Variants in VPS13A observed in about 807,000 individuals in gnomAD.
VPS13A encodes the protein intermembrane lipid transfer protein VPS13A.
In VPS13A, 264 loss-of-function variants were observed where a neutral mutation model predicts 390.9. The observed-to-expected ratio is 0.68, with a 90% confidence interval of 0.61 to 0.75. The LOEUF is 0.75. VPS13A is among the 30% of genes least tolerant of loss of function. The pLI is 0.00. For missense variants in VPS13A, 3,409 were observed against 3,733.9 expected (o/e 0.91, Z 2.27); for synonymous variants, 1,231 against 1,227.1 (o/e 1.00, Z -0.07).
At chr9:77,328,861 T>C (rs1174228698) in intron 45 of VPS13A, among the ~76,000 whole-genome samples, 1 of 152,180 alleles carries the variant, frequency 6.6e-6, no homozygotes, top group Non-Finnish European at 1.5e-5. Flanking sequence ...GACTTAGTAA[T>C]TTATAAAGGA....
intron 13 of VPS13A, among the ~76,000 whole-genome samples, chr9:77,225,189 C>T (rs754667475): frequency 3.3e-5 from 5 of 152,112 alleles, no homozygotes; most frequent in Non-Finnish European, 5.9e-5. Flanking sequence ...ACTGAATCTG[C>T]AGTATCTCTG....
At chr9:77,194,294 A>G (rs1824857960) in intron 1 of VPS13A, among the ~76,000 whole-genome samples, 1 of 151,758 alleles carries the variant, frequency 6.6e-6, no homozygotes, top group African/African-American at 2.4e-5. Context: ...GCGGTTGGGC[A>G]TCAGCGTCCA....
At position 77,356,719 on chromosome 9, in the gene VPS13A, A is replaced by G. The variant is rs758912053; in HGVS notation, c.7658A>G (p.Asp2553Gly). ...TTTTTGCTTTCTTAAATAAGTTCTG[A>G]TGTGGTTTGGGAAACAAAGCCCAAG... ...EVAYIGITSS[D>G]VVWETKPKKK... Residue 2553 changes from aspartate to glycine, a missense_variant, in exon 55 of 72, where the codon GAT becomes GGT. By Grantham distance (94) the Asp-to-Gly change is moderately conservative (BLOSUM62 -1). Transcript: ENST00000360280. 6.2e-7 allele frequency: 1 copy of G among 1,610,800 alleles called. No homozygotes were observed. Among genetic ancestry groups the G allele is most frequent in the Admixed American group, 1.7e-5 (1 of 59,792 alleles).
chr9:77,292,244 C>T (rs753748006), intron 31 of VPS13A, among the ~76,000 whole-genome samples: 2 of 152,178 alleles, frequency 1.3e-5, no homozygotes, highest in East Asian at 1.9e-4. Context: ...CTGCATCTCA[C>T]ATTAGTCCAC....
chr9:77,407,907 TTTTG>T (rs1223917074), intron 71 of VPS13A, among the ~76,000 whole-genome samples: 1 of 151,540 alleles, frequency 6.6e-6, no homozygotes, highest in Non-Finnish European at 1.5e-5. Flanking sequence ...AAATTAATTA[TTTTG>T]TTTTAGTGTT....
In VPS13A at chr9:77,227,433, A is replaced by AT; in HGVS notation, c.1401dup (p.Glu468Ter). The stretch of plus-strand genomic sequence containing the variant: ...ACACCTGAAGAAAAAGCTTTACTCT[A>AT]TGAAGCAATTGGCTATAGTGAAACA... On this transcript the variant is annotated frameshift_variant, in exon 16 of 72. Coordinates refer to ENST00000360280, the MANE Select transcript of VPS13A (RefSeq NM_033305.3). LOFTEE classifies it high-confidence loss of function. 6.2e-7 allele frequency: 1 copy of AT among 1,613,706 alleles called. No homozygotes were observed.
At chr9:77,303,701 CTA>C (rs1828522230) in intron 34 of VPS13A, among the ~76,000 whole-genome samples, 1 of 152,106 alleles carries the variant, frequency 6.6e-6, no homozygotes, top group South Asian at 2.1e-4. Flanking sequence ...GCAAAAGAAT[CTA>C]TGTCATAATT....
Position 77,332,028 on chromosome 9 carries a change from G to A in VPS13A, c.6010G>A (p.Val2004Ile), listed in dbSNP as rs1186743261. 1.2e-6 allele frequency: 2 copies of A among 1,610,146 alleles called. No homozygotes were observed. Among genetic ancestry groups the A allele is most frequent in the South Asian group, 2.2e-5 (2 of 90,816 alleles). ...TTCCCAGATAAGAAATCATTTTTCA[G>A]TCCCACTGTCTGTTTACGAAGGGGA... ...SPVQIRNHFS[V>I]PLSVYEGDTL... Residue 2004 changes from valine (V) to isoleucine (I), a missense_variant, in exon 46 of 72, where the codon GTC becomes ATC. By Grantham distance (29) the Val-to-Ile change is conservative (BLOSUM62 3). This residue lies in a region of VPS13A where 2,717 missense variants were observed against 2,917.4 expected (regional missense o/e 0.93). Transcript: ENST00000360280.
intron 26 of VPS13A, among the ~76,000 whole-genome samples, chr9:77,277,317 G>A (rs541416229): frequency 6.6e-6 from 1 of 152,180 alleles, no homozygotes; most frequent in East Asian, 1.9e-4. Context: ...TGAGCAGAAG[G>A]TACAGAGATT....
chr9:77,327,376 A>G (rs1415574576), intron 45 of VPS13A, among the ~76,000 whole-genome samples: 1 of 152,144 alleles, frequency 6.6e-6, no homozygotes, highest in African/African-American at 2.4e-5. Flanking sequence ...TGAATTTTGA[A>G]TTTCTTACAG....
At chr9:77,280,301 T>C in intron 27 of VPS13A, 63 bp downstream of exon 27, 2 of 1,358,488 alleles carry the variant, frequency 1.5e-6, no homozygotes, top group East Asian at 4.6e-5. Flanking sequence ...TTAAGTTTTG[T>C]AAGTTTGGTA....
intron 19 of VPS13A, among the ~76,000 whole-genome samples, chr9:77,245,223 A>G (rs570771702): frequency 4.6e-5 from 7 of 152,340 alleles, no homozygotes; most frequent in Admixed American, 3.9e-4. Context: ...CCTGGTATCA[A>G]GAAAGGCTTT....
At chr9:77,243,281 T>A (rs1052811953) in intron 19 of VPS13A, among the ~76,000 whole-genome samples, 1 of 152,224 alleles carries the variant, frequency 6.6e-6, no homozygotes, top group African/African-American at 2.4e-5. Context: ...TTTACTTACT[T>A]GTTGAACATC....
In VPS13A at chr9:77,416,141, A is replaced by G; in HGVS notation, c.*135A>G. 9.6e-7 allele frequency: 1 copy of G among 1,038,550 alleles called. No homozygotes were observed. The highest frequency in any genetic ancestry group is 1.4e-6 in the Non-Finnish European group (1 of 696,722). 64.3% of individuals were successfully genotyped at this position (1,038,550 alleles called of 1,614,324 possible). On this transcript the variant is annotated 3_prime_UTR_variant, in exon 72 of 72. Coordinates refer to ENST00000360280, the MANE Select transcript of VPS13A (RefSeq NM_033305.3). ...TTCTGGATGCTAAAAAACAAAAACA[A>G]ACAAAAAAACAAAAACAAAAAAACA...
intron 67 of VPS13A, among the ~76,000 whole-genome samples, chr9:77,373,290 A>G (rs901025857): frequency 1.3e-4 from 20 of 148,846 alleles, no homozygotes; most frequent in Non-Finnish European, 2.2e-4. Context: ...AAACAGAGAT[A>G]TACATCAATG....
intron 56 of VPS13A, among the ~76,000 whole-genome samples, chr9:77,358,057 G>A (rs978121133): frequency 1.3e-4 from 19 of 144,950 alleles, no homozygotes; most frequent in African/African-American, 4.8e-4. Context: ...CCAGGTTCAA[G>A]CGATTCTGCT....
At chr9:77,337,838 C>A in intron 47 of VPS13A, 1 of 244,122 alleles carries the variant, frequency 4.1e-6, no homozygotes, top group African/African-American at 2.2e-5. Context: ...TGTGTGGTTT[C>A]TTCCTGTTGT....
In VPS13A at chr9:77,407,685, A is replaced by G. The variant is rs78052149; in HGVS notation, c.9474+78A>G. On this transcript the variant is annotated intron_variant, in intron 71 of 71. Transcript: ENST00000360280. ...GTAAGTGGACTATTTTTTAATGCAG[A>G]TAAGTTTTGTTTGGGGGTTTTTGTT... The G allele has an allele frequency of 2.7e-3, 3,085 of 1,162,586 alleles. 72 individuals carry two copies. In the African/African-American group the frequency reaches 0.042, roughly 16 times the overall value. The allele number at this position is 1,162,586 out of a possible 1,614,324, so 72.0% of individuals were successfully genotyped here.
intron 31 of VPS13A, among the ~76,000 whole-genome samples, chr9:77,291,486 C>T (rs1032413623): frequency 6.6e-6 from 1 of 152,090 alleles, no homozygotes; most frequent in African/African-American, 2.4e-5. Context: ...GGGGGTTGAG[C>T]TTAGGTTGGT....
Sources: allele counts gnomAD v4.1 joint callset (sites outside exome capture counted in the v4.1 genomes callset), GRCh38; gene constraint gnomAD v4.1.1; regional missense constraint gnomAD v4.1.1; transcripts MANE v1.5; gene names NCBI Gene and HGNC (gene_info 2026-07-23, HGNC 2026-07-21).